Variants in ASH2L observed in about 807,000 individuals in gnomAD.
ASH2L encodes set1/Ash2 histone methyltransferase complex subunit ASH2.
ASH2L carries 30 observed loss-of-function variants against 81.1 expected under a neutral mutation model. The observed-to-expected ratio is 0.37, with a 90% CI of 0.28 to 0.50. The LOEUF is 0.50. ASH2L is among the 20% of genes least tolerant of loss of function. The pLI is 0.95. For missense variants in ASH2L, 559 were observed against 792.1 expected, an observed-to-expected ratio of 0.71 and a Z score of 3.53; for synonymous variants, 273 against 279.9, an observed-to-expected ratio of 0.98 and a Z score of 0.24.
At chr8:38,125,590 A>C (rs1392054453) in intron 10 of ASH2L, among the ~76,000 whole-genome samples, 1 of 143,196 alleles carries the variant, frequency 7.0e-6, no homozygotes, top group Non-Finnish European at 1.5e-5. Context: ...CCTGGGCGAC[A>C]AGAGTGAAAC....
intron 14 of ASH2L, chr8:38,137,821 C>A (rs981513928): frequency 1.3e-5 from 2 of 151,288 alleles, no homozygotes; most frequent in African/African-American, 4.9e-5. Context: ...AAAAGGAAAT[C>A]TTTAAACAGT....
intron 7 of ASH2L, 79 bp downstream of exon 7, chr8:38,115,079 A>G (rs957796949): frequency 8.4e-6 from 8 of 947,198 alleles, no homozygotes; most frequent in African/African-American, 3.3e-5. Context: ...TTACATTTGT[A>G]TATTTGCCAC....
chr8:38,110,638 G>A, intron 4 of ASH2L, 101 bp from the exon 5 acceptor site: 1 of 1,178,458 alleles, frequency 8.5e-7, no homozygotes, highest in Admixed American at 2.0e-5. Context: ...ACTCCATTTT[G>A]CTGCTATAAT....
intron 1 of ASH2L, 189 bp downstream of exon 1, chr8:38,105,927 T>C: frequency 6.7e-7 from 1 of 1,489,688 alleles, no homozygotes; most frequent in South Asian, 1.3e-5. Context: ...TCCGCACCTT[T>C]CACGGGCGGT....
At position 38,139,251 on chromosome 8, in the gene ASH2L, T is replaced by G. The variant is rs550061933; in HGVS notation, c.*180T>G. 3.8e-4 allele frequency: 213 copies of G among 554,968 alleles called. 2 individuals carry two copies. The highest frequency in any genetic ancestry group is 3.7e-3 in the African/African-American group (199 of 53,512). The allele number at this position is 554,968 out of a possible 1,614,324, so 34.4% of individuals were successfully genotyped here. A position where few individuals can be genotyped will look rare whatever the true frequency, so the allele number is the denominator to read the frequency against. Reference sequence around the variant, plus strand: ...CTGCCTTTCACCATTTTCTCCCCACTTCCAGTGACTGCTCTTATTTTGTGT... The same window carrying G: ...CTGCCTTTCACCATTTTCTCCCCACGTCCAGTGACTGCTCTTATTTTGTGT... On this transcript the variant is annotated 3_prime_UTR_variant, in exon 16 of 16. Coordinates refer to ENST00000343823, the MANE Select transcript of ASH2L (RefSeq NM_004674.5).
chr8:38,107,701 T>A (rs931278890), intron 3 of ASH2L, among the ~76,000 whole-genome samples: 2 of 152,168 alleles, frequency 1.3e-5, no homozygotes, highest in African/African-American at 4.8e-5. Flanking sequence ...AATGAAAGAC[T>A]TTTTTCCTTA....
intron 10 of ASH2L, among the ~76,000 whole-genome samples, chr8:38,127,918 C>T (rs1402024769): frequency 1.5e-4 from 22 of 151,150 alleles, no homozygotes; most frequent in Non-Finnish European, 3.1e-4. Context: ...TGGTGGCACG[C>T]GCCTGTAATC....
intron 10 of ASH2L, among the ~76,000 whole-genome samples, chr8:38,125,608 C>A (rs1294696783): frequency 1.4e-5 from 2 of 146,946 alleles, no homozygotes; most frequent in African/African-American, 2.5e-5. Flanking sequence ...AACTCCATCT[C>A]AAAAAAAAAA....
In ASH2L at chr8:38,121,025, G is replaced by A; in HGVS notation, c.1041G>A (p.Glu347=). Residue 347 remains glutamate, a synonymous_variant, in exon 10 of 16, where the codon GAG becomes GAA. Coordinates refer to ENST00000343823, the MANE Select transcript of ASH2L (RefSeq NM_004674.5). The part of the protein sequence containing the change: ...NKDGYRYILA[E]PDPHAPDPEK... Reference sequence around the variant, plus strand: ...ATGGCTATCGGTATATTCTAGCTGAGCCTGATCCGCACGCCCCTGACCCCG... The same window carrying A: ...ATGGCTATCGGTATATTCTAGCTGAACCTGATCCGCACGCCCCTGACCCCG... 6.2e-7 allele frequency: 1 copy of A among 1,613,856 alleles called. No homozygotes were observed. The highest frequency in any genetic ancestry group is 8.5e-7 in the Non-Finnish European group (1 of 1,179,994).
At chr8:38,125,890 A>G (rs1169559203) in intron 10 of ASH2L, among the ~76,000 whole-genome samples, 1 of 152,068 alleles carries the variant, frequency 6.6e-6, no homozygotes, top group Admixed American at 6.6e-5. Context: ...TAAGAATAAC[A>G]ATAACCTTGA....
At chr8:38,123,117 C>T (rs781461814) in intron 10 of ASH2L, among the ~76,000 whole-genome samples, 90 of 110,310 alleles carry the variant, frequency 8.2e-4, no homozygotes, top group Non-Finnish European at 1.0e-3. Flanking sequence ...TGGAGTCTTG[C>T]CCTGTCACCC....
intron 12 of ASH2L, among the ~76,000 whole-genome samples, chr8:38,130,941 C>A (rs1414836681): frequency 6.6e-6 from 1 of 152,184 alleles, no homozygotes; most frequent in Non-Finnish European, 1.5e-5. Flanking sequence ...ATTATCCCAG[C>A]ACCATATGTT....
At chr8:38,127,883 T>A (rs1801917072) in intron 10 of ASH2L, among the ~76,000 whole-genome samples, 1 of 151,324 alleles carries the variant, frequency 6.6e-6, no homozygotes, top group Non-Finnish European at 1.5e-5. Context: ...CTGTCTCTAC[T>A]AAAAATACAA....
chr8:38,121,045 AC>A lies in ASH2L; in HGVS notation c.1065del (p.Glu356ArgfsTer28). The A allele has an allele frequency of 6.2e-7, 1 of 1,613,348 alleles. No individual in the cohort carries two copies. Among genetic ancestry groups the A allele is most frequent in the Non-Finnish European group, 8.5e-7 (1 of 1,179,814 alleles). On this transcript the variant is annotated frameshift_variant, in exon 10 of 16. Transcript: ENST00000343823. LOFTEE classifies it high-confidence loss of function. The part of the protein sequence containing the change: ...ILAEPDPHAP[D>X]PEKLELDCWA... ...GCTGAGCCTGATCCGCACGCCCCTGACCCCGAGAAGCTGGAACTTGACTGCT... is the reference window on the plus strand; with the variant it reads ...GCTGAGCCTGATCCGCACGCCCCTGACCCGAGAAGCTGGAACTTGACTGCT...
At chr8:38,136,772 C>CA (rs77626059) in intron 14 of ASH2L, among the ~76,000 whole-genome samples, 6,049 of 119,022 alleles carry the variant, frequency 0.051, 341 homozygotes, top group East Asian at 0.25. Context: ...GACTCTGTGT[C>CA]AAAAAAAAAA....
At chr8:38,130,654 A>C (rs1440841449) in intron 12 of ASH2L, among the ~76,000 whole-genome samples, 1 of 151,740 alleles carries the variant, frequency 6.6e-6, no homozygotes, top group Non-Finnish European at 1.5e-5. Flanking sequence ...GCTGGAGTGC[A>C]ATGGTGCAAT....
chr8:38,116,229 G>A (rs1193342417), intron 7 of ASH2L, among the ~76,000 whole-genome samples: 1 of 152,126 alleles, frequency 6.6e-6, no homozygotes, highest in East Asian at 1.9e-4. Context: ...AGCTGGGTAT[G>A]GCAGCAGGCA....
rs1802385517 is a variant in ASH2L at position 38,139,193 on chromosome 8, G to A, written c.*122G>A. On this transcript the variant is annotated 3_prime_UTR_variant, in exon 16 of 16. Coordinates refer to ENST00000343823, the MANE Select transcript of ASH2L (RefSeq NM_004674.5). The stretch of plus-strand genomic sequence containing the variant: ...AAAACACAGCCTCTCCTTTTAGCAA[G>A]TTAAAAGGCTGGGTAGGACTGCGGG... The A allele has an allele frequency of 2.5e-6, 2 of 806,090 alleles. No individual in the cohort carries two copies. Among genetic ancestry groups the A allele is most frequent in the South Asian group, 4.1e-5 (2 of 48,990 alleles). 49.9% of individuals were successfully genotyped at this position (806,090 alleles called of 1,614,324 possible).
At chr8:38,121,338 TATATATA>T (rs1563255675) in intron 10 of ASH2L, among the ~76,000 whole-genome samples, 189 bp downstream of exon 10, 14,226 of 112,806 alleles carry the variant, frequency 0.13, 1,340 homozygotes, top group East Asian at 0.29. Context: ...TTTATTTATA[TATATATA>T]TATATATATA....
Sources: gnomAD v4.1 joint callset for allele counts (sites outside exome capture counted in the v4.1 genomes callset) on GRCh38, gnomAD v4.1.1 for gene constraint, MANE v1.5 for transcripts, NCBI Gene and HGNC (gene_info 2026-07-23, HGNC 2026-07-21) for gene names.